ANXA8: variants seen among roughly 807,000 people sequenced by gnomAD.
ANXA8 encodes the protein annexin A8, also known as VAC-beta.
Under a neutral mutation model 26.8 loss-of-function variants are expected in ANXA8, and 9 were observed. The ratio of observed to expected loss-of-function variants is 0.34; its 90% confidence interval spans 0.20 to 0.59. The LOEUF (loss-of-function observed/expected upper bound fraction) is 0.59. Among genes scored for constraint, ANXA8 ranks in the 20% least tolerant of loss-of-function variants. The pLI is 0.84. For missense variants in ANXA8, 83 were observed against 238.5 expected, an observed-to-expected ratio of 0.35 and a Z score of 4.29; for synonymous variants, 39 against 94.8, an observed-to-expected ratio of 0.41 and a Z score of 3.42.
chr10:47,955,011 C>T, the ANXA8 span, among the ~76,000 whole-genome samples: 1 of 148,324 alleles, frequency 6.7e-6, no homozygotes, highest in Non-Finnish European at 1.5e-5. Context: ...TGTGTCCCCA[C>T]CCAAATCTCA....
the ANXA8 span, among the ~76,000 whole-genome samples, chr10:47,653,012 G>A: frequency 6.6e-6 from 1 of 151,274 alleles, no homozygotes; most frequent in Non-Finnish European, 1.5e-5. Context: ...TGGTGAACTT[G>A]GTTAGAAAGT....
At chr10:47,505,668 C>T in the ANXA8 span, among the ~76,000 whole-genome samples, 4 of 113,576 alleles carry the variant, frequency 3.5e-5, no homozygotes, top group East Asian at 4.9e-4. Context: ...TTCAGGAGTT[C>T]GGGACCAGCC....
chr10:47,683,902 C>T, the ANXA8 span, among the ~76,000 whole-genome samples: 15 of 150,444 alleles, frequency 1.0e-4, 1 homozygote, highest in South Asian at 2.1e-4. Context: ...GGGAAAAGCA[C>T]TCTCTTTTAA....
At position 47,482,070 on chromosome 10, in the gene ANXA8, G is replaced by A. The variant is rs1839840132; in HGVS notation, c.21+1843C>T. Reference sequence around the variant, plus strand: ...CAACACCAAAAAGAGAGGTGCAGATGGACCCTGCCTGCAGACAGATCTCTC... The same window carrying A: ...CAACACCAAAAAGAGAGGTGCAGATAGACCCTGCCTGCAGACAGATCTCTC... On this transcript the variant is annotated intron_variant, in intron 1 of 11. Coordinates refer to ENST00000585281, the MANE Select transcript of ANXA8 (RefSeq NM_001040084.3). 1.4e-5 allele frequency among the ~76,000 whole-genome samples: 2 copies of A among 140,286 alleles called. 1 individual carries two copies. Among genetic ancestry groups the A allele is most frequent in the African/African-American group, 5.3e-5 (2 of 37,832 alleles). The allele number at this position is 140,286 out of a possible 152,430, so 92.0% of individuals were successfully genotyped here.
At chr10:47,900,806 G>T in the ANXA8 span, among the ~76,000 whole-genome samples, 1 of 146,586 alleles carries the variant, frequency 6.8e-6, no homozygotes. Context: ...ATCCCACACA[G>T]GAAGAATATG....
chr10:47,487,161 C>T (rs1234137025), upstream of ANXA8: 15 of 1,253,280 alleles, frequency 1.2e-5, no homozygotes, highest in African/African-American at 1.5e-5. Flanking sequence ...GTTATGTCAA[C>T]AAGAAAATAC....
At chr10:47,699,660 A>G in the ANXA8 span, among the ~76,000 whole-genome samples, 3 of 151,460 alleles carry the variant, frequency 2.0e-5, no homozygotes, top group Non-Finnish European at 2.9e-5. Flanking sequence ...AAAAAGGAAA[A>G]GAAAAAGAAA....
chr10:47,991,758 G>A, the ANXA8 span: 49 of 1,609,572 alleles, frequency 3.0e-5, no homozygotes, highest in Non-Finnish European at 4.2e-5. Context: ...GTTGGCCTCT[G>A]CTGGGACTCC....
the ANXA8 span, among the ~76,000 whole-genome samples, chr10:47,702,405 A>T: frequency 1.0e-4 from 15 of 145,848 alleles, no homozygotes; most frequent in African/African-American, 3.9e-4. Flanking sequence ...CAGTGGCGTG[A>T]TCTTGGCTCA....
At chr10:47,652,319 C>T in the ANXA8 span, among the ~76,000 whole-genome samples, 4 of 151,502 alleles carry the variant, frequency 2.6e-5, no homozygotes, top group African/African-American at 4.9e-5. Context: ...AAGTATAGGC[C>T]GAGTGCAGTG....
chr10:47,973,751 A>G, the ANXA8 span, among the ~76,000 whole-genome samples: 2 of 151,072 alleles, frequency 1.3e-5, no homozygotes, highest in African/African-American at 4.8e-5. Context: ...ATTGGTAACG[A>G]ATGTTTGAAT....
the ANXA8 span, chr10:47,706,714 A>G: frequency 8.8e-6 from 13 of 1,483,556 alleles, 3 homozygotes; most frequent in Non-Finnish European, 1.1e-5. Context: ...GAAAAAATGG[A>G]CGGGGGCAGC....
the ANXA8 span, chr10:47,706,840 G>A: frequency 2.3e-6 from 2 of 872,272 alleles, no homozygotes; most frequent in African/African-American, 1.6e-5. Context: ...GATAAACTAT[G>A]CTTCTTTTTT....
chr10:47,619,014 T>G, the ANXA8 span, among the ~76,000 whole-genome samples: 1 of 114,188 alleles, frequency 8.8e-6, no homozygotes, highest in Admixed American at 9.2e-5. Flanking sequence ...GGAAACATTT[T>G]AAAATATCAA....
chr10:47,653,484 T>C, the ANXA8 span, among the ~76,000 whole-genome samples: 1 of 151,770 alleles, frequency 6.6e-6, no homozygotes, highest in South Asian at 2.1e-4. Context: ...TGGCTCTTTG[T>C]TTCTGGCTTT....
At chr10:47,982,542 T>TA in the ANXA8 span, among the ~76,000 whole-genome samples, 1 of 141,376 alleles carries the variant, frequency 7.1e-6, no homozygotes, top group Non-Finnish European at 1.6e-5. Context: ...GCTGGACACT[T>TA]ACCTTACATC....
At chr10:47,988,914 A>C in the ANXA8 span, among the ~76,000 whole-genome samples, 2 of 151,838 alleles carry the variant, frequency 1.3e-5, no homozygotes, top group East Asian at 3.9e-4. Context: ...AGTTGTGCTC[A>C]TCGGTGTCCA....
At chr10:47,975,269 C>G in the ANXA8 span, among the ~76,000 whole-genome samples, 1 of 149,296 alleles carries the variant, frequency 6.7e-6, no homozygotes, top group Admixed American at 6.7e-5. Flanking sequence ...GGGCTTAGAG[C>G]GAAAGAATGC....
the ANXA8 span, among the ~76,000 whole-genome samples, chr10:47,530,692 CAAAAAAAA>C: frequency 8.7e-6 from 1 of 115,576 alleles, no homozygotes; most frequent in Admixed American, 9.3e-5. Flanking sequence ...GACTCCCTCT[CAAAAAAAA>C]AAAAAGAAAA....
Sources: gnomAD v4.1 joint callset for allele counts (sites outside exome capture counted in the v4.1 genomes callset) on GRCh38, gnomAD v4.1.1 for gene constraint, MANE v1.5 for transcripts, NCBI Gene and HGNC (gene_info 2026-07-23, HGNC 2026-07-21) for gene names.